Variants in PTPRC observed in about 807,000 individuals in gnomAD.
PTPRC encodes receptor-type tyrosine-protein phosphatase C.
Under a neutral mutation model 155.9 loss-of-function variants are expected in PTPRC, and 44 were observed. The ratio of observed to expected loss-of-function variants is 0.28; its 90% confidence interval spans 0.22 to 0.36. The LOEUF is 0.36. PTPRC is among the 10% of genes least tolerant of loss of function. The probability of loss-of-function intolerance (pLI) is 1.00; values close to 1 mark genes in which losing one functional copy is unlikely to be tolerated. For missense variants in PTPRC, 1,401 were observed against 1,564.6 expected (o/e 0.90, Z 1.76); for synonymous variants, 525 against 533.1 (o/e 0.98, Z 0.21).
intron 17 of PTPRC, 74 bp from the exon 18 acceptor site, chr1:198,731,543 G>A: frequency 9.0e-7 from 1 of 1,116,324 alleles, no homozygotes; most frequent in Non-Finnish European, 1.4e-6. Flanking sequence ...AGTACACGGT[G>A]TAAATTTAAT....
In PTPRC at chr1:198,703,011, C is replaced by T. The variant is rs7534065; in HGVS notation, c.584-287C>T. Among the ~76,000 whole-genome samples the T allele has an allele frequency of 0.036, 5,505 of 151,928 alleles. 332 individuals are homozygous for T. Among genetic ancestry groups the T allele is most frequent in the African/African-American group, 0.13 (5,228 of 41,400 alleles). ...TTATTAGAATCCAAGTATGGAAAGC[C>T]GTGAATGAAAGGGAAATGAATAGTC... On this transcript the variant is annotated intron_variant, in intron 6 of 32. Transcript: ENST00000442510.
intron 22 of PTPRC, 140 bp from the exon 23 acceptor site, chr1:198,734,987 G>A (rs892271753): frequency 2.8e-6 from 2 of 715,866 alleles, no homozygotes; most frequent in East Asian, 5.7e-5. Flanking sequence ...CACAGCTTAA[G>A]GTTTATATGT....
In PTPRC at chr1:198,747,718, A is replaced by G. The variant is rs185791156; in HGVS notation, c.2848-391A>G. Among the ~76,000 whole-genome samples, 69 of 152,068 alleles carry G rather than the reference A, an allele frequency of 4.5e-4. 1 individual carries two copies. The highest frequency in any genetic ancestry group is 2.2e-3 in the Admixed American group (33 of 15,248). On this transcript the variant is annotated intron_variant, in intron 26 of 32. Coordinates refer to ENST00000442510, the MANE Select transcript of PTPRC (RefSeq NM_002838.5). ...GAATGAACTTTCAAAACATGTGCCA[A>G]GTCTCCTAAGAATGTGTTGTCTCCA...
intron 3 of PTPRC, among the ~76,000 whole-genome samples, chr1:198,696,087 G>A (rs1666187405): frequency 1.3e-5 from 2 of 151,904 alleles, no homozygotes; most frequent in Admixed American, 6.6e-5. Flanking sequence ...TTGAACCAGG[G>A]AGTCGGAGGT....
At chr1:198,652,604 G>A (rs1663315273) in intron 2 of PTPRC, among the ~76,000 whole-genome samples, 1 of 150,098 alleles carries the variant, frequency 6.7e-6, no homozygotes, top group African/African-American at 2.4e-5. Context: ...AGGATAAAGT[G>A]TAAATGAAAG....
chr1:198,658,126 C>T (rs1408023766), intron 2 of PTPRC, among the ~76,000 whole-genome samples: 1 of 152,150 alleles, frequency 6.6e-6, no homozygotes, highest in Non-Finnish European at 1.5e-5. Flanking sequence ...TAGTTTCTTT[C>T]TGCTTTAAGC....
rs1308272844 is a variant in PTPRC, at chr1:198,756,687, A to ATCT, written c.*508_*510dup. ...CTCCTTGTTCTACTCATATATATCT[A>ATCT]TCTTATATAGTTTACTATTTTACTT... On this transcript the variant is annotated 3_prime_UTR_variant, in exon 33 of 33. Coordinates refer to ENST00000442510, the MANE Select transcript of PTPRC (RefSeq NM_002838.5). The ATCT allele has an allele frequency of 1.9e-5, 3 of 155,418 alleles. No individual in the cohort carries two copies. Among genetic ancestry groups the ATCT allele is most frequent in the Admixed American group, 6.4e-5 (1 of 15,644 alleles). The allele number at this position is 155,418 out of a possible 1,614,324, so 9.6% of individuals were successfully genotyped here. A position where few individuals can be genotyped will look rare whatever the true frequency, so the allele number is the denominator to read the frequency against.
chr1:198,652,869 C>T (rs1663332081), intron 2 of PTPRC, among the ~76,000 whole-genome samples: 1 of 151,626 alleles, frequency 6.6e-6, no homozygotes, highest in African/African-American at 2.4e-5. Context: ...ATGTCAAGGG[C>T]GGCTCGATGG....
At chr1:198,749,310 C>A in intron 27 of PTPRC, 106 bp from the exon 28 acceptor site, 1 of 1,158,178 alleles carries the variant, frequency 8.6e-7, no homozygotes, top group Non-Finnish European at 1.3e-6. Flanking sequence ...AGTAAGTTTT[C>A]ATAATACAAT....
chr1:198,686,528 G>A (rs1328675084), intron 2 of PTPRC, among the ~76,000 whole-genome samples: 12 of 152,102 alleles, frequency 7.9e-5, no homozygotes, highest in Non-Finnish European at 8.8e-5. Flanking sequence ...TTGAGAGAAA[G>A]CTCAATGCAG....
At chr1:198,729,408 A>G (rs1329033677) in intron 17 of PTPRC, among the ~76,000 whole-genome samples, 1 of 151,884 alleles carries the variant, frequency 6.6e-6, no homozygotes, top group Non-Finnish European at 1.5e-5. Flanking sequence ...AGGCCCAGCT[A>G]ATTTTTGTAT....
rs1248070339 is a variant in PTPRC, at chr1:198,741,750, C to CT, written c.2404-115dup. ...AAGACACCTGAGGAAACTATGAACT[C>CT]TTTTGAGTAGTTTATGTTTACACGA... On this transcript the variant is annotated intron_variant, in intron 23 of 32. Coordinates refer to ENST00000442510, the MANE Select transcript of PTPRC (RefSeq NM_002838.5). 3 of 1,025,460 alleles carry CT rather than the reference C, an allele frequency of 2.9e-6. No homozygotes were observed. In the East Asian group the frequency reaches 7.8e-5, roughly 27 times the overall value. 63.5% of individuals were successfully genotyped at this position (1,025,460 alleles called of 1,614,324 possible). A position where few individuals can be genotyped will look rare whatever the true frequency, so the allele number is the denominator to read the frequency against.
intron 17 of PTPRC, among the ~76,000 whole-genome samples, chr1:198,730,973 A>G (rs746764917): frequency 6.6e-6 from 1 of 152,162 alleles, no homozygotes; most frequent in African/African-American, 2.4e-5. Context: ...CGACAGCTTA[A>G]ATTCTCTTAC....
chr1:198,715,327 G>C (rs990110211), intron 12 of PTPRC, among the ~76,000 whole-genome samples: 2 of 151,906 alleles, frequency 1.3e-5, no homozygotes, highest in African/African-American at 2.4e-5. Flanking sequence ...GTTTCACTGT[G>C]TTAGCCAGGA....
At chr1:198,754,178 A>C (rs1429423446) in intron 31 of PTPRC, 91 bp from the exon 32 acceptor site, 6 of 1,435,150 alleles carry the variant, frequency 4.2e-6, no homozygotes, top group African/African-American at 1.4e-5. Context: ...CATGAAGCAA[A>C]AAATATATTC....
At chr1:198,691,820 G>A (rs1358187660) in intron 2 of PTPRC, among the ~76,000 whole-genome samples, 2 of 152,000 alleles carry the variant, frequency 1.3e-5, no homozygotes, top group South Asian at 2.1e-4. Context: ...AGATGATCCT[G>A]TTATGTTCTC....
chr1:198,704,924 A>G lies in PTPRC; in HGVS notation c.685+426A>G, dbSNP rs4143302. On this transcript the variant is annotated intron_variant, in intron 8 of 32. Coordinates refer to ENST00000442510, the MANE Select transcript of PTPRC (RefSeq NM_002838.5). ...TAAAGCCACTTAATTTAATTTAGGTATTTGAAAAAAAAATGGAATAACAGC... is the reference window on the plus strand; with the variant it reads ...TAAAGCCACTTAATTTAATTTAGGTGTTTGAAAAAAAAATGGAATAACAGC... Among the ~76,000 whole-genome samples the G allele has an allele frequency of 8.5e-5, 13 of 152,254 alleles. No individual in the cohort carries two copies. In the East Asian group the frequency reaches 1.9e-3, roughly 23 times the overall value.
At chr1:198,714,913 GA>G (rs141978817) in intron 12 of PTPRC, among the ~76,000 whole-genome samples, 7,238 of 152,156 alleles carry the variant, frequency 0.048, 222 homozygotes, top group East Asian at 0.14. Flanking sequence ...TAAAAGAGGA[GA>G]AAAAATGCAA....
chr1:198,655,086 A>G (rs949161773), intron 2 of PTPRC, among the ~76,000 whole-genome samples: 3 of 151,984 alleles, frequency 2.0e-5, no homozygotes, highest in African/African-American at 4.8e-5. Context: ...TGTGTCTTCT[A>G]TTAAATAATA....
Sources: gnomAD v4.1 joint callset for allele counts (sites outside exome capture counted in the v4.1 genomes callset) on GRCh38, gnomAD v4.1.1 for gene constraint, MANE v1.5 for transcripts, NCBI Gene and HGNC (gene_info 2026-07-23, HGNC 2026-07-21) for gene names.